Variants in GALNT14 observed in about 807,000 individuals in gnomAD.
GALNT14 encodes the protein polypeptide N-acetylgalactosaminyltransferase 14.
A neutral mutation model predicts 77.5 loss-of-function variants in GALNT14; 60 were observed. The ratio of observed to expected loss-of-function variants is 0.77; its 90% confidence interval spans 0.63 to 0.96. GALNT14 has a LOEUF of 0.96. Ranked by LOEUF, GALNT14 falls within the 40% of genes least tolerant of loss-of-function variation. The pLI is 0.00. For synonymous variants in GALNT14, 280 were observed against 281.7 expected (o/e 0.99, Z 0.06); for missense variants, 710 against 731.0 (o/e 0.97, Z 0.33).
chr2:30,936,450 C>T (rs1007813303), intron 9 of GALNT14, among the ~76,000 whole-genome samples: 5 of 152,184 alleles, frequency 3.3e-5, no homozygotes, highest in African/African-American at 1.2e-4. Context: ...GTGGGTACTA[C>T]ATTTTAAATG....
intron 9 of GALNT14, among the ~76,000 whole-genome samples, chr2:30,939,618 G>A (rs1666259034): frequency 6.6e-6 from 1 of 152,100 alleles, no homozygotes; most frequent in South Asian, 2.1e-4. Flanking sequence ...CTTTGGCAGG[G>A]GTGTGAGAGC....
At chr2:30,943,578 A>T (rs1666509868) in intron 8 of GALNT14, among the ~76,000 whole-genome samples, 1 of 152,162 alleles carries the variant, frequency 6.6e-6, no homozygotes, top group Non-Finnish European at 1.5e-5. Context: ...CCTGCGACAG[A>T]GGCAGGAAAA....
rs571432104 is a variant in GALNT14 at position 31,138,311 on chromosome 2, C to G, written c.-225G>C. On this transcript the variant is annotated 5_prime_UTR_variant, in exon 1 of 15. Coordinates refer to ENST00000349752, the MANE Select transcript of GALNT14 (RefSeq NM_024572.4). ...CGACCCGAAACGTGGCAGGGAAGGA[C>G]CGAGGGCAGCCAAGCTGGACGCCCG... 5.4e-5 allele frequency: 28 copies of G among 515,884 alleles called. No individual in the cohort carries two copies. In the East Asian group the frequency reaches 9.7e-4, roughly 18 times the overall value. The allele number at this position is 515,884 out of a possible 1,614,324, so 32.0% of individuals were successfully genotyped here.
chr2:31,050,050 C>T lies in GALNT14; in HGVS notation c.130-57043G>A, dbSNP rs10202372. The stretch of plus-strand genomic sequence containing the variant: ...TCCCAGATTCTCTGACCACAAAGAG[C>T]TTGTATACCATGTCCTGGCCACTCG... On this transcript the variant is annotated intron_variant, in intron 1 of 14. Coordinates refer to ENST00000349752, the MANE Select transcript of GALNT14 (RefSeq NM_024572.4). Among the ~76,000 whole-genome samples, 675 of 152,174 alleles carry T rather than the reference C, an allele frequency of 4.4e-3. 7 individuals are homozygous for T. Among genetic ancestry groups the T allele is most frequent in the African/African-American group, 0.015 (621 of 41,500 alleles).
chr2:30,932,271 G>T, intron 9 of GALNT14, 77 bp from the exon 10 acceptor site: 4 of 1,322,904 alleles, frequency 3.0e-6, no homozygotes, highest in Non-Finnish European at 4.0e-6. Flanking sequence ...CTAATGAAAC[G>T]GTGAGGCCCC....
chr2:30,929,378 C>A lies in GALNT14; in HGVS notation c.1151+17G>T, dbSNP rs191120843. ...CTTTTGCAGTCTCTGCCCTCCTCAA[C>A]CTGAAGGGACACTTACTTCCCGAAG... On this transcript the variant is annotated intron_variant, in intron 11 of 14. Transcript: ENST00000349752. The A allele has an allele frequency of 1.2e-6, 2 of 1,606,834 alleles. No homozygotes were observed. The highest frequency in any genetic ancestry group is 1.7e-6 in the Non-Finnish European group (2 of 1,173,690).
intron 1 of GALNT14, among the ~76,000 whole-genome samples, chr2:31,108,858 G>T (rs1298908144): frequency 2.6e-5 from 4 of 152,204 alleles, no homozygotes; most frequent in Non-Finnish European, 5.9e-5. Context: ...CACAGCACAG[G>T]TTGGAACAGG....
chr2:30,901,495 T>A, the GALNT14 span, among the ~76,000 whole-genome samples: 1 of 145,434 alleles, frequency 6.9e-6, no homozygotes, highest in African/African-American at 2.4e-5. Flanking sequence ...AACATATATA[T>A]AATAAATATA....
intron 1 of GALNT14, among the ~76,000 whole-genome samples, chr2:30,996,972 A>C (rs1670075024): frequency 6.6e-6 from 1 of 152,230 alleles, no homozygotes; most frequent in Admixed American, 6.5e-5. Flanking sequence ...AAGAATAAAT[A>C]AAATAAAATA....
chr2:31,006,921 C>T (rs1053099924), intron 1 of GALNT14, among the ~76,000 whole-genome samples: 2 of 152,172 alleles, frequency 1.3e-5, no homozygotes, highest in Admixed American at 6.5e-5. Context: ...ATAGTATGTA[C>T]AGCAAGGGCC....
chr2:31,013,586 G>A (rs558405911), intron 1 of GALNT14, among the ~76,000 whole-genome samples: 9 of 152,244 alleles, frequency 5.9e-5, no homozygotes, highest in African/African-American at 1.9e-4. Flanking sequence ...GTTCAAGTAC[G>A]GACAGCAGGA....
intron 1 of GALNT14, among the ~76,000 whole-genome samples, chr2:31,071,813 A>C (rs79321395): frequency 4.3e-4 from 66 of 152,338 alleles, no homozygotes; most frequent in Non-Finnish European, 8.5e-4. Flanking sequence ...TTATAAGGCT[A>C]AGTGCAAAAT....
intron 1 of GALNT14, among the ~76,000 whole-genome samples, chr2:31,040,950 T>C (rs1055108417): frequency 6.6e-6 from 1 of 152,146 alleles, no homozygotes; most frequent in African/African-American, 2.4e-5. Context: ...GTATGCAACA[T>C]CAGGGTCCTG....
chr2:31,047,309 GC>G (rs1051815470), intron 1 of GALNT14, among the ~76,000 whole-genome samples: 1 of 152,184 alleles, frequency 6.6e-6, no homozygotes, highest in African/African-American at 2.4e-5. Context: ...TGTTTGCCAG[GC>G]TTTTCTGTGG....
chr2:31,020,240 C>T (rs1157504475), intron 1 of GALNT14, among the ~76,000 whole-genome samples: 1 of 152,126 alleles, frequency 6.6e-6, no homozygotes, highest in African/African-American at 2.4e-5. Context: ...GTCCACAGAA[C>T]TGTATTTTTT....
chr2:31,080,794 T>C (rs965058303), intron 1 of GALNT14, among the ~76,000 whole-genome samples: 2 of 152,228 alleles, frequency 1.3e-5, no homozygotes, highest in African/African-American at 2.4e-5. Context: ...ATTAGAACTA[T>C]GTGAATAGGG....
At chr2:31,062,271 T>C (rs1320956751) in intron 1 of GALNT14, among the ~76,000 whole-genome samples, 1 of 152,150 alleles carries the variant, frequency 6.6e-6, no homozygotes, top group African/African-American at 2.4e-5. Flanking sequence ...TGTCCACGTG[T>C]TCTCATTTTT....
intron 13 of GALNT14, among the ~76,000 whole-genome samples, chr2:30,918,498 A>C (rs961920407): frequency 2.6e-5 from 4 of 152,184 alleles, no homozygotes; most frequent in African/African-American, 9.7e-5. Flanking sequence ...GACCAGGGGG[A>C]GCCAACAAGA....
At chr2:30,988,733 A>G (rs1486604193) in intron 2 of GALNT14, among the ~76,000 whole-genome samples, 1 of 152,232 alleles carries the variant, frequency 6.6e-6, no homozygotes, top group African/African-American at 2.4e-5. Flanking sequence ...AGCCGGCATC[A>G]GAATCACCTG....
Sources: gnomAD v4.1 joint callset for allele counts (sites outside exome capture counted in the v4.1 genomes callset) on GRCh38, gnomAD v4.1.1 for gene constraint, MANE v1.5 for transcripts, NCBI Gene and HGNC (gene_info 2026-07-23, HGNC 2026-07-21) for gene names.